PCSK6: variants seen among roughly 807,000 people sequenced by gnomAD.
PCSK6 encodes the protein paired basic amino acid cleaving enzyme 4.
A neutral mutation model predicts 123.3 loss-of-function variants in PCSK6; 85 were observed. That is an observed-to-expected ratio of 0.69 (90% CI 0.58 to 0.83). The LOEUF (loss-of-function observed/expected upper bound fraction) is 0.83. PCSK6 is among the 40% of genes least tolerant of loss of function. The probability of loss-of-function intolerance (pLI) is 0.00; values close to 1 mark genes in which losing one functional copy is unlikely to be tolerated. For missense variants in PCSK6, 1,191 were observed against 1,282.3 expected (o/e 0.93, Z 1.09); for synonymous variants, 508 against 516.0 (o/e 0.98, Z 0.21).
intron 6 of PCSK6, among the ~76,000 whole-genome samples, chr15:101,400,590 T>G (rs190708713): frequency 6.6e-6 from 1 of 152,290 alleles, no homozygotes; most frequent in African/African-American, 2.4e-5. Context: ...ACCCTGGAGG[T>G]GACACCCTCC....
At chr15:101,403,775 A>G (rs1009204673) in intron 6 of PCSK6, among the ~76,000 whole-genome samples, 2 of 152,176 alleles carry the variant, frequency 1.3e-5, no homozygotes, top group African/African-American at 4.8e-5. Context: ...GTTGGAGGAC[A>G]GTGGCGCCAT....
intron 4 of PCSK6, 59 bp downstream of exon 4, chr15:101,431,261 T>A: frequency 6.3e-7 from 1 of 1,582,388 alleles, no homozygotes; most frequent in South Asian, 1.1e-5. Flanking sequence ...AAACTTGCAT[T>A]TACTTAATGA....
At chr15:101,314,652 T>C (rs1027461930) in intron 19 of PCSK6, among the ~76,000 whole-genome samples, 2 of 152,130 alleles carry the variant, frequency 1.3e-5, no homozygotes, top group Non-Finnish European at 2.9e-5. Context: ...GCCGTAAGCC[T>C]GGGAGGGAAT....
chr15:101,340,317 T>A (rs930705699), intron 13 of PCSK6, among the ~76,000 whole-genome samples: 1 of 152,098 alleles, frequency 6.6e-6, no homozygotes, highest in Non-Finnish European at 1.5e-5. Flanking sequence ...ACAAAAACCC[T>A]GAAAGATGGT....
chr15:101,347,067 G>A (rs2040752758), intron 13 of PCSK6: 1 of 1,231,624 alleles, frequency 8.1e-7, no homozygotes, highest in Admixed American at 4.2e-5. Context: ...ACTGTTTGGA[G>A]AGTGTGCCAA....
intron 1 of PCSK6, among the ~76,000 whole-genome samples, chr15:101,463,760 T>C (rs1280728387): frequency 6.6e-6 from 1 of 152,154 alleles, no homozygotes; most frequent in Non-Finnish European, 1.5e-5. Context: ...GCCGGGGAGT[T>C]GGGGTGTGGG....
chr15:101,426,497 C>T (rs920737826), intron 6 of PCSK6, among the ~76,000 whole-genome samples: 2 of 152,180 alleles, frequency 1.3e-5, no homozygotes, highest in Admixed American at 6.5e-5. Flanking sequence ...CACAAAGGAG[C>T]CAGGCCAGTT....
At chr15:101,463,410 T>A (rs1212497067) in intron 1 of PCSK6, among the ~76,000 whole-genome samples, 3 of 152,126 alleles carry the variant, frequency 2.0e-5, no homozygotes, top group Non-Finnish European at 4.4e-5. Context: ...CCCTCTTCCT[T>A]TGGGGCCAAG....
intron 11 of PCSK6, among the ~76,000 whole-genome samples, chr15:101,380,011 G>A (rs1354569804): frequency 6.6e-6 from 1 of 152,182 alleles, no homozygotes; most frequent in African/African-American, 2.4e-5. Flanking sequence ...AGCAAGTGGT[G>A]TGAGACGGTA....
rs146811378 is a variant in PCSK6, at chr15:101,415,745, G to A, written c.823+12147C>T. Among the ~76,000 whole-genome samples the A allele has an allele frequency of 3.1e-4, 47 of 152,330 alleles. 1 individual carries two copies. The East Asian group carries it at 9.1e-3, about 29-fold the overall frequency. ...TGAATCATGGGTGCCAGTCTTTCCT[G>A]TGCTATTTTTGTGATAGAGAGTAAG... On this transcript the variant is annotated intron_variant, in intron 6 of 21. Transcript: ENST00000611716.
intron 13 of PCSK6, among the ~76,000 whole-genome samples, chr15:101,345,843 T>C (rs981801734): frequency 3.3e-5 from 5 of 152,186 alleles, no homozygotes; most frequent in African/African-American, 4.8e-5. Context: ...AATTTTTGTA[T>C]TTTTGGTAGA....
At chr15:101,441,445 C>G (rs36010356) in intron 2 of PCSK6, among the ~76,000 whole-genome samples, 38,907 of 151,846 alleles carry the variant, frequency 0.26, 5,056 homozygotes, top group South Asian at 0.31. Flanking sequence ...CTCAGCAACA[C>G]AGAGACCTGC....
intron 13 of PCSK6, among the ~76,000 whole-genome samples, chr15:101,346,100 C>T (rs2040721840): frequency 6.6e-6 from 1 of 152,234 alleles, no homozygotes; most frequent in Non-Finnish European, 1.5e-5. Context: ...CCTGGTAAGA[C>T]TACAAATCAG....
chr15:101,312,838 C>T (rs929451152), intron 20 of PCSK6, among the ~76,000 whole-genome samples: 6 of 151,016 alleles, frequency 4.0e-5, no homozygotes, highest in South Asian at 2.1e-4. Context: ...TCAAAAAAAA[C>T]GAAAACAAAA....
chr15:101,403,871 C>T (rs759480844), intron 6 of PCSK6, among the ~76,000 whole-genome samples: 1 of 152,212 alleles, frequency 6.6e-6, no homozygotes, highest in Non-Finnish European at 1.5e-5. Flanking sequence ...AGGCGCCCGC[C>T]ACCACACACG....
intron 6 of PCSK6, among the ~76,000 whole-genome samples, chr15:101,413,716 G>T (rs1190996880): frequency 6.6e-6 from 1 of 152,078 alleles, no homozygotes; most frequent in Admixed American, 6.5e-5. Flanking sequence ...ACATAGACAT[G>T]ATAAACACCC....
At chr15:101,367,714 C>G (rs1031697169) in intron 12 of PCSK6, among the ~76,000 whole-genome samples, 11 of 152,216 alleles carry the variant, frequency 7.2e-5, no homozygotes, top group African/African-American at 2.7e-4. Context: ...GATAGGAGGT[C>G]ATTGATCCTA....
chr15:101,391,628 C>A (rs966831996), intron 8 of PCSK6, among the ~76,000 whole-genome samples: 1 of 152,246 alleles, frequency 6.6e-6, no homozygotes, highest in African/African-American at 2.4e-5. Context: ...TGCTCACATT[C>A]CTCAGACTCA....
intron 17 of PCSK6, among the ~76,000 whole-genome samples, chr15:101,324,447 T>A (rs2040202367): frequency 6.6e-6 from 1 of 152,198 alleles, no homozygotes; most frequent in Non-Finnish European, 1.5e-5. Flanking sequence ...GATGGCATAG[T>A]CTTTCCTGGA....
Sources: gnomAD v4.1 joint callset for allele counts (sites outside exome capture counted in the v4.1 genomes callset) on GRCh38, gnomAD v4.1.1 for gene constraint, MANE v1.5 for transcripts, NCBI Gene and HGNC (gene_info 2026-07-23, HGNC 2026-07-21) for gene names.